The following PFKFB3 variants were observed in gnomAD, a reference collection of about 807,000 sequenced individuals.
The protein encoded by PFKFB3 is 6-phosphofructo-2-kinase/fructose-2,6-biphosphatase 3, also known as 6-phosphofructo-2-kinase/fructose-2,6-bisphosphatase 3.
PFKFB3 carries 33 observed loss-of-function variants against 68.0 expected under a neutral mutation model. The observed-to-expected ratio is 0.49, with a 90% CI of 0.37 to 0.65. The LOEUF (loss-of-function observed/expected upper bound fraction) is 0.65. Among genes scored for constraint, PFKFB3 ranks in the 30% least tolerant of loss-of-function variants. The pLI, the probability that PFKFB3 is intolerant of heterozygous loss-of-function variation, is 0.00. For synonymous variants in PFKFB3, 315 were observed against 288.2 expected (o/e 1.09, Z -0.94); for missense variants, 586 against 712.2 (o/e 0.82, Z 2.02).
Position 6,221,486 on chromosome 10 carries a change from C to T in PFKFB3, c.937C>T (p.Leu313=), listed in dbSNP as rs1389754444. 2 of 1,613,570 alleles carry T rather than the reference C, an allele frequency of 1.2e-6. No homozygotes were observed. Among genetic ancestry groups the T allele is most frequent in the Admixed American group, 1.7e-5 (1 of 60,024 alleles). ...CATCCAGACGGCCGAGGCGCTGCGG[C>T]TGCCCTACGAGCAGTGGAAGGCGCT... is the stretch of plus-strand genomic sequence containing the variant. ...STIQTAEALR[L]PYEQWKALNE... is the part of the protein sequence containing the mutation. Residue 313 remains leucine, a synonymous_variant, in exon 9 of 15, where the codon CTG becomes TTG. Coordinates refer to ENST00000379775, the MANE Select transcript of PFKFB3 (RefSeq NM_004566.4).
intron 14 of PFKFB3, chr10:6,231,529 T>C: frequency 1.0e-6 from 1 of 985,396 alleles, no homozygotes. Flanking sequence ...CATCACCCGG[T>C]CTTGCAGGCT....
rs1000276488 is a variant in PFKFB3 at position 6,163,673 on chromosome 10, G to C, written c.16+18660G>C. Among the ~76,000 whole-genome samples the C allele has an allele frequency of 2.0e-5, 3 of 152,038 alleles. No individual in the cohort carries two copies. In the East Asian group the frequency reaches 5.8e-4, roughly 30 times the overall value. ...GGTCCCGGGCCCCGGGAGCAGCTGC[G>C]GGCCCGACGGGGGCGTGGCGGGACC... On this transcript the variant is annotated intron_variant, in intron 1 of 14. Transcript: ENST00000379789.
At chr10:6,309,102 T>G in the PFKFB3 span, among the ~76,000 whole-genome samples, 1 of 152,134 alleles carries the variant, frequency 6.6e-6, no homozygotes, top group Admixed American at 6.5e-5. Flanking sequence ...GATCCCCAAT[T>G]ACAATGTGAG....
downstream of PFKFB3, among the ~76,000 whole-genome samples, chr10:6,240,414 G>A (rs1289131397): frequency 1.3e-5 from 2 of 151,580 alleles, no homozygotes; most frequent in East Asian, 2.0e-4. Context: ...ACAGGTGCCC[G>A]CCTCCACGCC....
At chr10:6,219,346 C>T (rs1330586299) in intron 6 of PFKFB3, among the ~76,000 whole-genome samples, 1 of 152,172 alleles carries the variant, frequency 6.6e-6, no homozygotes, top group Non-Finnish European at 1.5e-5. Context: ...CTGTCTCTGT[C>T]CTTCCGGCTT....
At chr10:6,269,108 G>A in the PFKFB3 span, among the ~76,000 whole-genome samples, 1 of 150,682 alleles carries the variant, frequency 6.6e-6, no homozygotes, top group Admixed American at 6.6e-5. Flanking sequence ...AATGACAATT[G>A]CTTTTTAAAA....
At chr10:6,168,666 A>G (rs1842209161) in intron 1 of PFKFB3, among the ~76,000 whole-genome samples, 1 of 152,206 alleles carries the variant, frequency 6.6e-6, no homozygotes, top group Admixed American at 6.5e-5. Flanking sequence ...GGCCATTGCT[A>G]CGACCATTAT....
chr10:6,172,829 A>C (rs529351494), intron 1 of PFKFB3, among the ~76,000 whole-genome samples: 1 of 151,928 alleles, frequency 6.6e-6, no homozygotes, highest in Admixed American at 6.6e-5. Flanking sequence ...CTCAGAAAAA[A>C]AAAAAAAAGT....
the PFKFB3 span, among the ~76,000 whole-genome samples, chr10:6,270,128 C>G: frequency 6.6e-6 from 1 of 152,018 alleles, no homozygotes. Flanking sequence ...GCAAAAACTC[C>G]GTCTCAAAAA....
chr10:6,245,676 C>G (rs1319381715), intron 14 of PFKFB3: 2 of 152,176 alleles, frequency 1.3e-5, no homozygotes, highest in African/African-American at 4.8e-5. Context: ...GTGATCCGCT[C>G]ACCTCGGCCT....
intron 1 of PFKFB3, among the ~76,000 whole-genome samples, chr10:6,169,116 A>AT (rs1174305035): frequency 3.3e-5 from 5 of 152,022 alleles, no homozygotes; most frequent in Non-Finnish European, 7.4e-5. Context: ...AATTTTTTGT[A>AT]TTTTTAGTAG....
Position 6,154,922 on chromosome 10 carries a change from G to C in PFKFB3, c.16+9909G>C, listed in dbSNP as rs929916399. On this transcript the variant is annotated intron_variant, in intron 1 of 14. Transcript: ENST00000379789. The surrounding 1 kb of genome is among the most constrained non-coding windows in gnomAD (Gnocchi z 4.6). ...CCTCCTCTAGGCCCTGTCCTTGGTAGAGGCTGTGAGTGGCCCGTAGGAGGT... is the reference window on the plus strand; with the variant it reads ...CCTCCTCTAGGCCCTGTCCTTGGTACAGGCTGTGAGTGGCCCGTAGGAGGT... Among the ~76,000 whole-genome samples the C allele has an allele frequency of 6.6e-6, 1 of 152,222 alleles. No homozygotes were observed. Among genetic ancestry groups the C allele is most frequent in the East Asian group, 1.9e-4 (1 of 5,186 alleles).
intron 1 of PFKFB3, among the ~76,000 whole-genome samples, chr10:6,169,556 C>A (rs1842243060): frequency 3.3e-5 from 5 of 152,088 alleles, no homozygotes; most frequent in Admixed American, 3.3e-4. Context: ...CCTGAGGGTT[C>A]TCCTGGGATA....
At chr10:6,148,234 G>A (rs758238088) in intron 1 of PFKFB3, among the ~76,000 whole-genome samples, 5 of 152,220 alleles carry the variant, frequency 3.3e-5, no homozygotes, top group African/African-American at 9.6e-5. Context: ...GCTGAACTCC[G>A]CATGGAGAGG....
the PFKFB3 span, among the ~76,000 whole-genome samples, chr10:6,309,871 T>C: frequency 3.3e-5 from 5 of 152,196 alleles, no homozygotes; most frequent in African/African-American, 4.8e-5. Context: ...TGTTTCACTT[T>C]CCTGAATACA....
chr10:6,286,512 G>A, the PFKFB3 span, among the ~76,000 whole-genome samples: 4 of 152,088 alleles, frequency 2.6e-5, no homozygotes, highest in Non-Finnish European at 5.9e-5. Context: ...CAAATAGCTG[G>A]GATTACAGGC....
intron 1 of PFKFB3, among the ~76,000 whole-genome samples, chr10:6,208,131 A>G (rs531024774): frequency 5.3e-5 from 8 of 152,214 alleles, no homozygotes; most frequent in Non-Finnish European, 1.2e-4. Context: ...CTGGAGTGCA[A>G]TGGTGCAATC....
intron 14 of PFKFB3, among the ~76,000 whole-genome samples, chr10:6,247,186 G>A (rs913657886): frequency 6.6e-6 from 1 of 152,220 alleles, no homozygotes; most frequent in African/African-American, 2.4e-5. Context: ...GATACGTCAC[G>A]GTGGGGCCAG....
intron 1 of PFKFB3, among the ~76,000 whole-genome samples, chr10:6,152,873 C>T (rs1043032708): frequency 1.7e-4 from 25 of 151,442 alleles, no homozygotes; most frequent in African/African-American, 5.8e-4. Context: ...AGAAAGAGAC[C>T]TTGTCTTTAA....
Sources: allele counts gnomAD v4.1 joint callset (sites outside exome capture counted in the v4.1 genomes callset), GRCh38; gene constraint gnomAD v4.1.1; non-coding constraint Gnocchi (gnomAD v3.1); transcripts MANE v1.5; gene names NCBI Gene and HGNC (gene_info 2026-07-23, HGNC 2026-07-21).